Variants in GSG1L observed in about 807,000 individuals in gnomAD.
GSG1L encodes GSG1 like.
In GSG1L, 24 loss-of-function variants were observed where a neutral mutation model predicts 42.1. The ratio of observed to expected loss-of-function variants is 0.57; its 90% CI spans 0.41 to 0.80. The LOEUF (loss-of-function observed/expected upper bound fraction) is 0.80. Among genes scored for constraint, GSG1L ranks in the 30% least tolerant of loss-of-function variants. GSG1L has a pLI of 0.00. For missense variants in GSG1L, 445 were observed against 472.2 expected, an observed-to-expected ratio of 0.94 and a Z score of 0.53; for synonymous variants, 215 against 203.5, an observed-to-expected ratio of 1.06 and a Z score of -0.48.
intron 1 of GSG1L, among the ~76,000 whole-genome samples, chr16:28,046,612 C>T (rs1468354856): frequency 6.6e-6 from 1 of 152,090 alleles, no homozygotes; most frequent in Non-Finnish European, 1.5e-5. Flanking sequence ...CCTTGGCCTC[C>T]CAAAGTGCTG....
intron 3 of GSG1L, among the ~76,000 whole-genome samples, chr16:27,849,194 T>TACCCC (rs1555503872): frequency 5.5e-4 from 25 of 45,072 alleles, no homozygotes; most frequent in Admixed American, 3.8e-3. Flanking sequence ...TGAGCCTCTA[T>TACCCC]CCCAAAAAGA....
At chr16:28,012,055 C>G (rs74016604) in intron 1 of GSG1L, among the ~76,000 whole-genome samples, 10,660 of 152,044 alleles carry the variant, frequency 0.07, 456 homozygotes, top group Admixed American at 0.11. Context: ...CAACTAAGTC[C>G]AAACTCCCTG....
At chr16:27,897,614 G>A (rs2084206357) in intron 2 of GSG1L, among the ~76,000 whole-genome samples, 1 of 152,004 alleles carries the variant, frequency 6.6e-6, no homozygotes, top group African/African-American at 2.4e-5. Flanking sequence ...TCCTTTCTTT[G>A]TTCAAAATCA....
chr16:27,972,419 G>A (rs1374930010), intron 1 of GSG1L, among the ~76,000 whole-genome samples: 1 of 152,222 alleles, frequency 6.6e-6, no homozygotes, highest in East Asian at 1.9e-4. Context: ...ATTATCTAAG[G>A]ATTAATGAGC....
chr16:27,799,126 G>T (rs575530615), intron 6 of GSG1L, among the ~76,000 whole-genome samples: 1 of 152,054 alleles, frequency 6.6e-6, no homozygotes, highest in Non-Finnish European at 1.5e-5. Flanking sequence ...GGAGCAGGCC[G>T]GGTGTGGTGT....
intron 2 of GSG1L, among the ~76,000 whole-genome samples, chr16:27,924,163 A>G (rs2084564289): frequency 6.6e-6 from 1 of 151,638 alleles, no homozygotes; most frequent in South Asian, 2.1e-4. Context: ...TATAATATAT[A>G]TGCACAAATA....
At chr16:27,936,789 A>C (rs1427774868) in intron 2 of GSG1L, among the ~76,000 whole-genome samples, 2 of 152,210 alleles carry the variant, frequency 1.3e-5, no homozygotes, top group Non-Finnish European at 1.5e-5. Context: ...GAAAGCAATG[A>C]CAAAACTGCA....
intron 2 of GSG1L, among the ~76,000 whole-genome samples, chr16:27,895,652 C>T (rs1278831365): frequency 6.6e-6 from 1 of 152,204 alleles, no homozygotes; most frequent in African/African-American, 2.4e-5. Context: ...ATGGATCTGA[C>T]AGCTGTTCCC....
At chr16:27,877,195 G>T (rs969463872) in intron 3 of GSG1L, among the ~76,000 whole-genome samples, 7 of 152,064 alleles carry the variant, frequency 4.6e-5, no homozygotes, top group African/African-American at 1.7e-4. Context: ...ACAAGACTTG[G>T]GGGGAGTGGA....
chr16:28,020,855 G>A (rs1001186100), intron 1 of GSG1L, among the ~76,000 whole-genome samples: 6 of 152,184 alleles, frequency 3.9e-5, no homozygotes, highest in East Asian at 1.9e-4. Flanking sequence ...AGCCATGTAC[G>A]TGAGGCCCCT....
At chr16:28,062,175 G>T (rs2086349100) in intron 1 of GSG1L, among the ~76,000 whole-genome samples, 1 of 152,170 alleles carries the variant, frequency 6.6e-6, no homozygotes. Context: ...AGCTCTACCT[G>T]CTGTGTGGCA....
intron 1 of GSG1L, among the ~76,000 whole-genome samples, chr16:28,053,379 G>T (rs1187572622): frequency 2.0e-5 from 3 of 152,148 alleles, no homozygotes; most frequent in African/African-American, 7.2e-5. Context: ...ATTATTATTT[G>T]GGCAACATGA....
rs371240922 is a variant in GSG1L at position 27,828,887 on chromosome 16, C to T, written c.732G>A (p.Thr244=). 1 of 1,614,064 alleles carries T rather than the reference C, an allele frequency of 6.2e-7. No homozygotes were observed. Among genetic ancestry groups the T allele is most frequent in the Non-Finnish European group, 8.5e-7 (1 of 1,180,046 alleles). ...TGCGCTTGTGCCGGAACTCAATGAC[C>T]GTCTTGGTGTAGGAGTTGAGCGTGG... The part of the protein sequence containing the change: ...SVTTLNSYTK[T]VIEFRHKRKV... Residue 244 remains threonine, a synonymous_variant, in exon 5 of 7, where the codon ACG becomes ACA. Transcript: ENST00000447459.
At chr16:27,874,441 C>CTTTGTTTTTTTTTTT (rs2083860120) in intron 3 of GSG1L, among the ~76,000 whole-genome samples, 1 of 94,428 alleles carries the variant, frequency 1.1e-5, no homozygotes, top group Non-Finnish European at 2.1e-5. Context: ...ACAGGAGAGC[C>CTTTGTTTTTTTTTTT]TTTTTTTTTT....
chr16:27,850,076 TGGAGTGCA>T (rs1567485604), intron 3 of GSG1L, among the ~76,000 whole-genome samples: 1 of 118,912 alleles, frequency 8.4e-6, no homozygotes, highest in African/African-American at 3.4e-5. Context: ...TCACCCAGGC[TGGAGTGCA>T]GTGGCATGAT....
At chr16:28,032,932 C>T (rs1357717890) in intron 1 of GSG1L, among the ~76,000 whole-genome samples, 1 of 152,186 alleles carries the variant, frequency 6.6e-6, no homozygotes, top group African/African-American at 2.4e-5. Flanking sequence ...CTCCCCAGTC[C>T]TCAATCAGAA....
chr16:27,947,041 A>G (rs1405848642), intron 2 of GSG1L, among the ~76,000 whole-genome samples: 1 of 152,252 alleles, frequency 6.6e-6, no homozygotes, highest in Non-Finnish European at 1.5e-5. Flanking sequence ...CTAGAGAGCC[A>G]GAGCTGGAAT....
At chr16:27,989,371 G>C (rs574432259) in intron 1 of GSG1L, among the ~76,000 whole-genome samples, 9 of 152,102 alleles carry the variant, frequency 5.9e-5, no homozygotes, top group Non-Finnish European at 1.3e-4. Context: ...AAGTCTTCTT[G>C]ACCCAAACTA....
chr16:28,006,415 T>C (rs2085639822), intron 1 of GSG1L, among the ~76,000 whole-genome samples: 1 of 151,948 alleles, frequency 6.6e-6, no homozygotes, highest in Admixed American at 6.6e-5. Flanking sequence ...TTCAAGGGAT[T>C]CTTGTGCCTC....
Sources: gnomAD v4.1 joint callset for allele counts (sites outside exome capture counted in the v4.1 genomes callset) on GRCh38, gnomAD v4.1.1 for gene constraint, MANE v1.5 for transcripts, NCBI Gene and HGNC (gene_info 2026-07-23, HGNC 2026-07-21) for gene names.